CRPPA: variants seen among roughly 807,000 people sequenced by gnomAD.
CRPPA encodes the protein D-ribitol-5-phosphate cytidylyltransferase.
A neutral mutation model predicts 52.0 loss-of-function variants in CRPPA; 43 were observed. The observed-to-expected ratio is 0.83, with a 90% CI of 0.65 to 1.07. The LOEUF is 1.07. CRPPA is among the 50% of genes least tolerant of loss of function. The probability of loss-of-function intolerance (pLI) is 0.00; values close to 1 mark genes in which losing one functional copy is unlikely to be tolerated. For missense variants in CRPPA, 629 were observed against 551.7 expected, an observed-to-expected ratio of 1.14 and a Z score of -1.40; for synonymous variants, 250 against 203.5, an observed-to-expected ratio of 1.23 and a Z score of -1.94.
At chr7:16,379,176 C>T (rs557603370) in intron 2 of CRPPA, among the ~76,000 whole-genome samples, 1 of 152,264 alleles carries the variant, frequency 6.6e-6, no homozygotes, top group Non-Finnish European at 1.5e-5. Flanking sequence ...ACATGAAGTT[C>T]TTGCCCATGC....
At chr7:16,252,700 C>T (rs1783492991) in intron 8 of CRPPA, among the ~76,000 whole-genome samples, 1 of 152,116 alleles carries the variant, frequency 6.6e-6, no homozygotes, top group African/African-American at 2.4e-5. Flanking sequence ...CTCTTTGTAC[C>T]TCTGGTAGAA....
At chr7:16,091,841 T>A in intron 9 of CRPPA, 42 bp from the exon 10 acceptor site, 1 of 1,172,466 alleles carries the variant, frequency 8.5e-7, no homozygotes, top group Admixed American at 3.1e-5. Flanking sequence ...AGAAAAAACA[T>A]ATGCCATGTG....
At chr7:16,182,500 T>A (rs1213781902) in intron 9 of CRPPA, among the ~76,000 whole-genome samples, 1 of 152,142 alleles carries the variant, frequency 6.6e-6, no homozygotes, top group Non-Finnish European at 1.5e-5. Context: ...ATATCCAAAG[T>A]GTTAAATAAG....
chr7:16,163,654 C>A (rs975756923), intron 9 of CRPPA, among the ~76,000 whole-genome samples: 3 of 152,086 alleles, frequency 2.0e-5, no homozygotes. Flanking sequence ...TGGCTGGTAC[C>A]AGTTTTTCCT....
At chr7:16,166,099 A>T (rs1781058734) in intron 9 of CRPPA, among the ~76,000 whole-genome samples, 1 of 152,206 alleles carries the variant, frequency 6.6e-6, no homozygotes, top group Non-Finnish European at 1.5e-5. Context: ...TGGTACACAA[A>T]GTCAAACCTG....
chr7:16,418,913 G>A (rs973984801), intron 1 of CRPPA, among the ~76,000 whole-genome samples: 1 of 152,110 alleles, frequency 6.6e-6, no homozygotes, highest in Admixed American at 6.5e-5. Flanking sequence ...TTCTCCATGG[G>A]AGAAAAGTTT....
At chr7:16,249,590 G>T (rs1783384050) in intron 8 of CRPPA, among the ~76,000 whole-genome samples, 1 of 152,186 alleles carries the variant, frequency 6.6e-6, no homozygotes, top group Admixed American at 6.5e-5. Context: ...GGCAAACAAG[G>T]TCTGAAGTGG....
intron 4 of CRPPA, 99 bp from the exon 5 acceptor site, chr7:16,301,565 T>C: frequency 2.6e-6 from 2 of 776,904 alleles, no homozygotes; most frequent in Admixed American, 4.2e-5. Context: ...TTTCAGAAGC[T>C]ATAAACATGT....
chr7:16,121,012 A>G (rs1424206166), intron 9 of CRPPA, among the ~76,000 whole-genome samples: 1 of 152,094 alleles, frequency 6.6e-6, no homozygotes, highest in Non-Finnish European at 1.5e-5. Context: ...ATGTACATAG[A>G]GAACAAAAAC....
At position 16,243,748 on chromosome 7, in the gene CRPPA, T is replaced by C. The variant is rs1162795445; in HGVS notation, c.1119+14642A>G. Among the ~76,000 whole-genome samples the C allele has an allele frequency of 3.9e-5, 6 of 152,130 alleles. No individual in the cohort carries two copies. The East Asian group carries it at 1.2e-3, about 29-fold the overall frequency. ...TGGGAGGCCAAGGTGGAAAGATTGC[T>C]TGAGCTCAGGAGTTTAAGACCAGAT... On this transcript the variant is annotated intron_variant, in intron 8 of 9. Transcript: ENST00000407010.
chr7:16,234,247 T>C (rs1782880660), intron 8 of CRPPA, among the ~76,000 whole-genome samples: 1 of 152,016 alleles, frequency 6.6e-6, no homozygotes, highest in South Asian at 2.1e-4. Context: ...TGAATACCAC[T>C]CCCCAAATTT....
chr7:16,295,002 C>A (rs4721487), intron 5 of CRPPA, among the ~76,000 whole-genome samples: 33,535 of 152,016 alleles, frequency 0.22, 4,649 homozygotes, highest in Admixed American at 0.31. Context: ...TCTGCATATG[C>A]ATAAAACACA....
At chr7:16,349,445 G>A (rs1786093193) in intron 3 of CRPPA, among the ~76,000 whole-genome samples, 1 of 152,134 alleles carries the variant, frequency 6.6e-6, no homozygotes. Flanking sequence ...CAAGATAAAT[G>A]TCTAGGAAAT....
At chr7:16,322,974 A>T (rs1785295693) in intron 3 of CRPPA, among the ~76,000 whole-genome samples, 1 of 152,120 alleles carries the variant, frequency 6.6e-6, no homozygotes, top group Non-Finnish European at 1.5e-5. Context: ...AGATGCTCAT[A>T]AAACCATCAT....
At chr7:16,121,092 A>G (rs921570853) in intron 9 of CRPPA, among the ~76,000 whole-genome samples, 3 of 151,882 alleles carry the variant, frequency 2.0e-5, no homozygotes, top group Non-Finnish European at 4.4e-5. Context: ...TAAAATTTGA[A>G]TAACTTGTCC....
At chr7:16,253,849 G>C (rs1783532430) in intron 8 of CRPPA, among the ~76,000 whole-genome samples, 1 of 152,062 alleles carries the variant, frequency 6.6e-6, no homozygotes, top group South Asian at 2.1e-4. Flanking sequence ...CTGACAAAGA[G>C]CTAATATCCG....
intron 6 of CRPPA, among the ~76,000 whole-genome samples, chr7:16,271,445 A>C (rs1583483429): frequency 6.6e-6 from 1 of 152,230 alleles, no homozygotes; most frequent in South Asian, 2.1e-4. Context: ...TATATAAATG[A>C]TAATAGTAGC....
At chr7:16,166,166 TGTACA>T (rs1378651769) in intron 9 of CRPPA, among the ~76,000 whole-genome samples, 6 of 152,252 alleles carry the variant, frequency 3.9e-5, no homozygotes, top group Non-Finnish European at 8.8e-5. Context: ...TGTTTTCATT[TGTACA>T]GTCTTAGACT....
chr7:16,303,794 T>C (rs1054107483), intron 4 of CRPPA, among the ~76,000 whole-genome samples: 7 of 152,192 alleles, frequency 4.6e-5, no homozygotes, highest in Non-Finnish European at 1.0e-4. Flanking sequence ...TAGAGACTAC[T>C]TTGTTTCTTT....
Sources: gnomAD v4.1 joint callset for allele counts (sites outside exome capture counted in the v4.1 genomes callset) on GRCh38, gnomAD v4.1.1 for gene constraint, MANE v1.5 for transcripts, NCBI Gene and HGNC (gene_info 2026-07-23, HGNC 2026-07-21) for gene names.